The following CACNA2D1 variants were observed in gnomAD, a reference collection of about 807,000 sequenced individuals.
CACNA2D1 encodes calcium voltage-gated channel auxiliary subunit alpha2delta 1, also known as voltage-dependent calcium channel subunit alpha-2/delta-1.
A neutral mutation model predicts 171.5 loss-of-function variants in CACNA2D1; 53 were observed. That is an observed-to-expected ratio of 0.31 (90% CI 0.25 to 0.39). The LOEUF is 0.39. Ranked by LOEUF, CACNA2D1 falls within the 10% of genes least tolerant of loss-of-function variation. The probability of loss-of-function intolerance (pLI) is 1.00; values close to 1 mark genes in which losing one functional copy is unlikely to be tolerated. For missense variants in CACNA2D1, 903 were observed against 1,299.8 expected, an observed-to-expected ratio of 0.69 and a Z score of 4.69; for synonymous variants, 442 against 443.1, an observed-to-expected ratio of 1.00 and a Z score of 0.03.
chr7:82,111,444 AT>A (rs869125211), intron 6 of CACNA2D1, among the ~76,000 whole-genome samples: 7,459 of 69,800 alleles, frequency 0.11, 1,005 homozygotes, highest in Non-Finnish European at 0.11. Flanking sequence ...ATATATATAT[AT>A]TTTTTTTTTT....
chr7:82,326,236 T>C (rs1001401401), intron 3 of CACNA2D1, among the ~76,000 whole-genome samples: 6 of 152,226 alleles, frequency 3.9e-5, no homozygotes, highest in Non-Finnish European at 7.3e-5. Context: ...CGTAAAAGCT[T>C]AGTGATATTT....
At chr7:82,128,533 A>G (rs1790599819) in intron 5 of CACNA2D1, among the ~76,000 whole-genome samples, 1 of 152,154 alleles carries the variant, frequency 6.6e-6, no homozygotes, top group Non-Finnish European at 1.5e-5. Context: ...CTTTCACTCT[A>G]AAGGAAGCAT....
intron 3 of CACNA2D1, among the ~76,000 whole-genome samples, chr7:82,298,061 ACT>A (rs1271468911): frequency 1.3e-5 from 2 of 151,880 alleles, no homozygotes; most frequent in Non-Finnish European, 2.9e-5. Context: ...TTATTCAAAA[ACT>A]CTTCAATACA....
rs1404441370 is a variant in CACNA2D1, at chr7:82,422,294, TTC to T, written c.95+21069_95+21070del. 7.2e-5 allele frequency among the ~76,000 whole-genome samples: 11 copies of T among 152,262 alleles called. No homozygotes were observed. In the East Asian group the frequency reaches 2.1e-3, roughly 29 times the overall value. On this transcript the variant is annotated intron_variant, in intron 1 of 38. Transcript: ENST00000356860. ...ATCTCTTAGAATCATGGCCTCTGAA[TTC>T]TCTTTCTTGAAGATTTTCATCCTTG... is the stretch of plus-strand genomic sequence containing the variant.
intron 24 of CACNA2D1, among the ~76,000 whole-genome samples, chr7:81,976,891 A>G (rs1248394667): frequency 1.3e-5 from 2 of 152,126 alleles, no homozygotes; most frequent in Non-Finnish European, 2.9e-5. Flanking sequence ...TGATTTTTGC[A>G]CATTGATTTT....
rs71093367 is a variant in CACNA2D1, at chr7:82,181,041, A to ATTT, written c.295-10435_295-10433dup. Among the ~76,000 whole-genome samples, 21 of 13,960 alleles carry ATTT rather than the reference A, an allele frequency of 1.5e-3. 7 individuals are homozygous for ATTT. The highest frequency in any genetic ancestry group is 3.3e-3 in the Admixed American group (3 of 898). 9.2% of individuals were successfully genotyped at this position (13,960 alleles called of 152,430 possible). On this transcript the variant is annotated intron_variant, in intron 3 of 38. Transcript: ENST00000356860. ...GGTCAGCAGCTGTGGGGCATGTCGG[A>ATTT]TTTTTTTTTTTTTTTTTTTTTTTTT...
intron 10 of CACNA2D1, among the ~76,000 whole-genome samples, chr7:82,059,549 G>A (rs377114323): frequency 1.7e-4 from 26 of 152,180 alleles, no homozygotes; most frequent in Admixed American, 1.0e-3. Context: ...AACGGTGTCC[G>A]TGAGTAAAGG....
intron 3 of CACNA2D1, among the ~76,000 whole-genome samples, chr7:82,173,820 A>T (rs10253703): frequency 4.3e-4 from 65 of 151,918 alleles, no homozygotes; most frequent in African/African-American, 1.4e-3. Context: ...AGGTGGGGAA[A>T]ATCTCTTGAG....
At chr7:82,079,989 TTTTTAA>T (rs1207098935) in intron 7 of CACNA2D1, among the ~76,000 whole-genome samples, 1 of 151,084 alleles carries the variant, frequency 6.6e-6, no homozygotes, top group African/African-American at 2.5e-5. Context: ...TATCTTTCAA[TTTTTAA>T]TTTTTTTATT....
rs10240864 is a variant in CACNA2D1 at position 82,066,464 on chromosome 7, C to A, written c.719G>T (p.Arg240Ile). The A allele has an allele frequency of 6.2e-7, 1 of 1,609,460 alleles. No individual in the cohort carries two copies. Among genetic ancestry groups the A allele is most frequent in the South Asian group, 1.1e-5 (1 of 90,676 alleles). ...AGCTAAAAATTCTTACCATGGTCTT[C>A]TGCGTACATCATAAAGGTCAATCTT... is the stretch of plus-strand genomic sequence containing the variant. The part of the protein sequence containing the change: ...PNKIDLYDVR[R>I]RPWYIQGAAS... The change falls in exon 8 of 39, where the codon AGA (arginine) becomes ATA (isoleucine). Residue 240 changes from arginine to isoleucine, a missense_variant. Arg to Ile is a moderately conservative substitution (Grantham distance 97). Coordinates refer to ENST00000356860, the MANE Select transcript of CACNA2D1 (RefSeq NM_000722.4).
chr7:82,284,406 A>G (rs145384913), intron 3 of CACNA2D1, among the ~76,000 whole-genome samples: 89 of 152,234 alleles, frequency 5.8e-4, no homozygotes, highest in Admixed American at 1.6e-3. Context: ...GGTATTTACT[A>G]TTTTCCCTCT....
chr7:82,104,811 G>T (rs1813124008), intron 6 of CACNA2D1, among the ~76,000 whole-genome samples: 1 of 152,030 alleles, frequency 6.6e-6, no homozygotes. Flanking sequence ...TGTTGTAATT[G>T]AAGTGATGTG....
intron 3 of CACNA2D1, among the ~76,000 whole-genome samples, chr7:82,237,647 T>C (rs747895501): frequency 6.6e-5 from 10 of 152,014 alleles, no homozygotes; most frequent in Non-Finnish European, 1.2e-4. Flanking sequence ...ACATTAAGTA[T>C]AAGCATTTGC....
intron 3 of CACNA2D1, among the ~76,000 whole-genome samples, chr7:82,290,708 T>C (rs1811415003): frequency 6.6e-6 from 1 of 151,678 alleles, no homozygotes. Context: ...GCGATGCTCA[T>C]GCCTCAGCCT....
At chr7:82,104,572 T>C (rs1292559695) in intron 6 of CACNA2D1, among the ~76,000 whole-genome samples, 1 of 152,060 alleles carries the variant, frequency 6.6e-6, no homozygotes, top group Non-Finnish European at 1.5e-5. Flanking sequence ...TTTAAAAATT[T>C]TATTTCTTAC....
chr7:82,045,608 T>C (rs1185693491), intron 10 of CACNA2D1, among the ~76,000 whole-genome samples: 2 of 152,166 alleles, frequency 1.3e-5, no homozygotes, highest in African/African-American at 4.8e-5. Flanking sequence ...ATACATTCCT[T>C]ACAACAAATT....
intron 3 of CACNA2D1, among the ~76,000 whole-genome samples, chr7:82,328,242 T>G (rs1471692366): frequency 1.3e-5 from 2 of 152,206 alleles, no homozygotes; most frequent in African/African-American, 4.8e-5. Flanking sequence ...ACCCTCCAGA[T>G]AGATTCTGGA....
chr7:81,963,306 T>C (rs1345480277), intron 34 of CACNA2D1, among the ~76,000 whole-genome samples: 2 of 151,894 alleles, frequency 1.3e-5, no homozygotes, highest in Non-Finnish European at 2.9e-5. Context: ...CAAATGAATA[T>C]TGTACATTAA....
intron 1 of CACNA2D1, among the ~76,000 whole-genome samples, chr7:82,391,292 T>G (rs1825091197): frequency 6.6e-6 from 1 of 152,236 alleles, no homozygotes; most frequent in Non-Finnish European, 1.5e-5. Context: ...AAACAAGTTA[T>G]GTACTTTGCA....
Sources: allele counts gnomAD v4.1 joint callset (sites outside exome capture counted in the v4.1 genomes callset), GRCh38; gene constraint gnomAD v4.1.1; transcripts MANE v1.5; gene names NCBI Gene and HGNC (gene_info 2026-07-23, HGNC 2026-07-21).